Variants in SYNPR observed in about 807,000 individuals in gnomAD.
SYNPR encodes synaptoporin.
Under a neutral mutation model 32.9 loss-of-function variants are expected in SYNPR, and 23 were observed. The observed-to-expected ratio is 0.70, with a 90% CI of 0.50 to 0.99. The LOEUF is 0.99. Ranked by LOEUF, SYNPR falls within the 50% of genes least tolerant of loss-of-function variation. The pLI, the probability that SYNPR is intolerant of heterozygous loss-of-function variation, is 0.00. For missense variants in SYNPR, 318 were observed against 349.3 expected, an observed-to-expected ratio of 0.91 and a Z score of 0.71; for synonymous variants, 146 against 135.9, an observed-to-expected ratio of 1.07 and a Z score of -0.52.
chr3:63,519,889 T>C (rs576905016), intron 3 of SYNPR, among the ~76,000 whole-genome samples: 20 of 152,128 alleles, frequency 1.3e-4, no homozygotes, highest in Non-Finnish European at 2.2e-4. Context: ...AAAGTATAAA[T>C]TATCATAATT....
chr3:63,589,509 G>C (rs1703267372), intron 4 of SYNPR, among the ~76,000 whole-genome samples: 1 of 151,718 alleles, frequency 6.6e-6, no homozygotes, highest in Non-Finnish European at 1.5e-5. Flanking sequence ...CCAAAAAAGA[G>C]AATTTTAGAC....
intron 2 of SYNPR, among the ~76,000 whole-genome samples, chr3:63,315,904 A>G (rs529597786): frequency 6.6e-6 from 1 of 152,020 alleles, no homozygotes; most frequent in Admixed American, 6.6e-5. Context: ...TTACATTAAG[A>G]TATGTCCTTT....
chr3:63,543,137 G>A (rs907646365), intron 3 of SYNPR, among the ~76,000 whole-genome samples: 1 of 151,962 alleles, frequency 6.6e-6, no homozygotes, highest in Non-Finnish European at 1.5e-5. Flanking sequence ...ACATCATCTA[G>A]CTTCTGTAAA....
intron 2 of SYNPR, 113 bp from the exon 3 acceptor site, chr3:63,480,719 T>C (rs1701030407): frequency 2.2e-6 from 3 of 1,384,762 alleles, no homozygotes; most frequent in East Asian, 4.9e-5. Context: ...AATGCTCTTC[T>C]TCAGAAGGAC....
intron 2 of SYNPR, among the ~76,000 whole-genome samples, chr3:63,419,883 T>C (rs1228854508): frequency 6.6e-6 from 1 of 152,230 alleles, no homozygotes; most frequent in Admixed American, 6.5e-5. Context: ...CTATATTCAT[T>C]TTCTTTGTTG....
chr3:63,608,299 C>G (rs542476290), intron 4 of SYNPR, among the ~76,000 whole-genome samples: 1 of 152,096 alleles, frequency 6.6e-6, no homozygotes. Context: ...CTTTCCCCTG[C>G]GAACAGCAGA....
intron 2 of SYNPR, among the ~76,000 whole-genome samples, chr3:63,367,547 G>A (rs2087742158): frequency 6.6e-6 from 1 of 151,960 alleles, no homozygotes; most frequent in East Asian, 1.9e-4. Context: ...GTAGACATGG[G>A]GTTTTACCAT....
chr3:63,601,572 C>A (rs773755474), intron 4 of SYNPR, among the ~76,000 whole-genome samples: 10 of 152,068 alleles, frequency 6.6e-5, no homozygotes, highest in Non-Finnish European at 1.5e-4. Context: ...ATTTTTAGCT[C>A]CCACTTTTAA....
chr3:63,466,674 C>A (rs1268327258), intron 2 of SYNPR, among the ~76,000 whole-genome samples: 2 of 136,144 alleles, frequency 1.5e-5, no homozygotes, highest in African/African-American at 7.1e-5. Flanking sequence ...CAGTTCTGAA[C>A]ACTGGGAATC....
At chr3:63,611,862 C>T (rs1048858634) in intron 5 of SYNPR, among the ~76,000 whole-genome samples, 1 of 152,128 alleles carries the variant, frequency 6.6e-6, no homozygotes, top group African/African-American at 2.4e-5. Context: ...TCAGTCTCAT[C>T]AGTTATGAAT....
chr3:63,387,381 C>T (rs1043794185), intron 2 of SYNPR, among the ~76,000 whole-genome samples: 2 of 152,130 alleles, frequency 1.3e-5, no homozygotes, highest in East Asian at 1.9e-4. Flanking sequence ...TATCTCTTAA[C>T]CTTTAGAATT....
intron 2 of SYNPR, among the ~76,000 whole-genome samples, chr3:63,376,542 C>T (rs1311646033): frequency 6.6e-6 from 1 of 152,110 alleles, no homozygotes; most frequent in Non-Finnish European, 1.5e-5. Context: ...GGGGCAAAAG[C>T]TTCTACCCCA....
At chr3:63,346,246 C>T (rs1465040026) in intron 2 of SYNPR, among the ~76,000 whole-genome samples, 1 of 152,126 alleles carries the variant, frequency 6.6e-6, no homozygotes, top group Non-Finnish European at 1.5e-5. Context: ...TTCCTGTGAT[C>T]CTGTTACTGG....
intron 2 of SYNPR, among the ~76,000 whole-genome samples, chr3:63,294,051 C>G (rs543446650): frequency 6.6e-6 from 1 of 152,042 alleles, no homozygotes; most frequent in Non-Finnish European, 1.5e-5. Context: ...TTTTTCTATG[C>G]CATTAGATAA....
At chr3:63,349,303 T>C (rs1197456577) in intron 2 of SYNPR, among the ~76,000 whole-genome samples, 1 of 151,546 alleles carries the variant, frequency 6.6e-6, no homozygotes, top group Admixed American at 6.6e-5. Flanking sequence ...GGTTTCACCA[T>C]GTTGGTCAGG....
At chr3:63,440,756 T>A (rs1700155785) in intron 2 of SYNPR, among the ~76,000 whole-genome samples, 1 of 152,178 alleles carries the variant, frequency 6.6e-6, no homozygotes. Flanking sequence ...GGACAAATTC[T>A]GGGACACAGC....
At chr3:63,477,301 G>C (rs766108190) in intron 2 of SYNPR, among the ~76,000 whole-genome samples, 1 of 152,160 alleles carries the variant, frequency 6.6e-6, no homozygotes, top group Non-Finnish European at 1.5e-5. Flanking sequence ...TGGAGGAGTT[G>C]ATTTCACGCT....
chr3:63,386,791 C>T (rs770964744), intron 2 of SYNPR, among the ~76,000 whole-genome samples: 11 of 152,144 alleles, frequency 7.2e-5, no homozygotes, highest in Admixed American at 2.6e-4. Flanking sequence ...TCAGGCACCT[C>T]GCAGAGCAAA....
chr3:63,298,871 T>C (rs1203548910), intron 2 of SYNPR, among the ~76,000 whole-genome samples: 1 of 152,136 alleles, frequency 6.6e-6, no homozygotes, highest in Non-Finnish European at 1.5e-5. Flanking sequence ...ATACCTTGGC[T>C]ACAATTGTGT....
Sources: gnomAD v4.1 joint callset for allele counts (sites outside exome capture counted in the v4.1 genomes callset) on GRCh38, gnomAD v4.1.1 for gene constraint, MANE v1.5 for transcripts, NCBI Gene and HGNC (gene_info 2026-07-23, HGNC 2026-07-21) for gene names.